The following VWC2L variants were observed in gnomAD, a reference collection of about 807,000 sequenced individuals.
The protein encoded by VWC2L is von Willebrand factor C domain containing 2 like.
Under a neutral mutation model 21.6 loss-of-function variants are expected in VWC2L, and 10 were observed. The observed-to-expected ratio is 0.46, with a 90% CI of 0.29 to 0.78. The LOEUF (loss-of-function observed/expected upper bound fraction) is 0.78, where lower values mean the gene tolerates loss of function less well. Among genes scored for constraint, VWC2L ranks in the 30% least tolerant of loss-of-function variants. VWC2L has a pLI of 0.10. For synonymous variants in VWC2L, 96 were observed against 94.3 expected, an observed-to-expected ratio of 1.02 and a Z score of -0.10; for missense variants, 209 against 277.1, an observed-to-expected ratio of 0.75 and a Z score of 1.74.
At chr2:214,536,708 A>G (rs1314657307) in intron 3 of VWC2L, 1 of 151,996 alleles carries the variant, frequency 6.6e-6, no homozygotes, top group Non-Finnish European at 1.5e-5. Flanking sequence ...AAAAATGTAT[A>G]TCTAATCTCT....
chr2:214,480,823 G>A (rs886143451), intron 3 of VWC2L, among the ~76,000 whole-genome samples: 9 of 114,608 alleles, frequency 7.9e-5, no homozygotes, highest in Non-Finnish European at 1.7e-5. Flanking sequence ...AGAATAAAAG[G>A]CTGAAAAAGT....
chr2:214,544,934 T>A lies in VWC2L; in HGVS notation c.521-30738T>A, dbSNP rs934976032. On this transcript the variant is annotated intron_variant, in intron 3 of 3. Transcript: ENST00000312504. ...GTAAGTACAAAAACTAAGATTTGAATGAAAGGTCCCAAATTTACTCTGCTA... is the reference window on the plus strand; with the variant it reads ...GTAAGTACAAAAACTAAGATTTGAAAGAAAGGTCCCAAATTTACTCTGCTA... 1.7e-4 allele frequency among the ~76,000 whole-genome samples: 26 copies of A among 152,274 alleles called. 1 individual carries two copies. The highest frequency in any genetic ancestry group is 1.4e-3 in the Admixed American group (21 of 15,280).
At position 214,459,162 on chromosome 2, in the gene VWC2L, T is replaced by C; in HGVS notation, c.520+22404T>C. Reference sequence around the variant, plus strand: ...TGAATTGATCTCTTTATCATTATAATAACCTTCTTTATCTCTTTTTACTAG... The same window carrying C: ...TGAATTGATCTCTTTATCATTATAACAACCTTCTTTATCTCTTTTTACTAG... On this transcript the variant is annotated intron_variant, in intron 3 of 3. Coordinates refer to ENST00000312504, the MANE Select transcript of VWC2L (RefSeq NM_001080500.4). 2.0e-5 allele frequency among the ~76,000 whole-genome samples: 3 copies of C among 152,296 alleles called. No individual in the cohort carries two copies. The South Asian group carries it at 6.2e-4, about 32-fold the overall frequency.
At chr2:214,460,033 G>A (rs868483130) in intron 3 of VWC2L, among the ~76,000 whole-genome samples, 15 of 150,100 alleles carry the variant, frequency 1.0e-4, no homozygotes, top group East Asian at 2.0e-4. Context: ...TCAGCCTCGC[G>A]AGTAGTTGGG....
chr2:214,556,066 CAG>C (rs1473265935), intron 3 of VWC2L, among the ~76,000 whole-genome samples: 17 of 152,070 alleles, frequency 1.1e-4, no homozygotes, highest in Admixed American at 1.0e-3. Flanking sequence ...ATCACCAATG[CAG>C]AGAGTTCCTC....
chr2:214,521,697 G>A (rs1019104864), intron 3 of VWC2L, among the ~76,000 whole-genome samples: 1 of 152,186 alleles, frequency 6.6e-6, no homozygotes, highest in Admixed American at 6.5e-5. Flanking sequence ...CAAAGGCAAG[G>A]GGTCACCAGC....
chr2:214,501,678 T>C (rs1470995882), intron 3 of VWC2L, among the ~76,000 whole-genome samples: 1 of 137,410 alleles, frequency 7.3e-6, no homozygotes, highest in African/African-American at 2.7e-5. Context: ...GCTGAGATCA[T>C]GCCTCTGCGC....
intron 3 of VWC2L, among the ~76,000 whole-genome samples, chr2:214,481,701 C>T (rs531063292): frequency 3.0e-4 from 46 of 152,148 alleles, no homozygotes; most frequent in Non-Finnish European, 6.3e-4. Flanking sequence ...AAATTTTACA[C>T]AAATTCTATA....
chr2:214,518,953 A>C (rs1304582612), intron 3 of VWC2L, among the ~76,000 whole-genome samples: 1 of 152,204 alleles, frequency 6.6e-6, no homozygotes, highest in Non-Finnish European at 1.5e-5. Flanking sequence ...ATTTGATCTT[A>C]CTAGAAGGCC....
Position 214,507,465 on chromosome 2 carries a change from C to T in VWC2L, c.521-68207C>T, listed in dbSNP as rs183994166. ...CATATTTGACCCTCAGATTTGTAAACGGGAATAACGCTCTCCTGACTAGAG... is the reference window on the plus strand; with the variant it reads ...CATATTTGACCCTCAGATTTGTAAATGGGAATAACGCTCTCCTGACTAGAG... On this transcript the variant is annotated intron_variant, in intron 3 of 3. Transcript: ENST00000312504. Among the ~76,000 whole-genome samples, 4 of 152,124 alleles carry T rather than the reference C, an allele frequency of 2.6e-5. No individual in the cohort carries two copies. The East Asian group carries it at 5.8e-4, about 22-fold the overall frequency.
intron 3 of VWC2L, among the ~76,000 whole-genome samples, chr2:214,495,729 C>G (rs1056741154): frequency 6.6e-6 from 1 of 152,116 alleles, no homozygotes; most frequent in Admixed American, 6.6e-5. Flanking sequence ...CTTGAAAACA[C>G]CATTTTTTCT....
intron 3 of VWC2L, among the ~76,000 whole-genome samples, chr2:214,493,871 G>A (rs1688777091): frequency 6.6e-6 from 1 of 152,122 alleles, no homozygotes; most frequent in Non-Finnish European, 1.5e-5. Flanking sequence ...GCAAGCAAGT[G>A]AAGTCTATCT....
chr2:214,443,448 C>T (rs1702792178), intron 3 of VWC2L, among the ~76,000 whole-genome samples: 1 of 151,910 alleles, frequency 6.6e-6, no homozygotes, highest in Non-Finnish European at 1.5e-5. Flanking sequence ...ATTTTGTTAG[C>T]AAACAGAAGC....
At chr2:214,571,806 A>G (rs1000544850) in intron 3 of VWC2L, among the ~76,000 whole-genome samples, 1 of 151,578 alleles carries the variant, frequency 6.6e-6, no homozygotes, top group Non-Finnish European at 1.5e-5. Context: ...CTCTCTCTCG[A>G]TTCAGGGGCT....
chr2:214,447,492 C>A (rs1488337853), intron 3 of VWC2L, among the ~76,000 whole-genome samples: 1 of 152,162 alleles, frequency 6.6e-6, no homozygotes, highest in Non-Finnish European at 1.5e-5. Context: ...CACATCAGCA[C>A]TGGGATATAA....
chr2:214,457,139 C>G lies in VWC2L; in HGVS notation c.520+20381C>G, dbSNP rs535988726. The stretch of plus-strand genomic sequence containing the variant: ...TATTTTGAAAGAAATTGCGTTGAGT[C>G]TCTAGAATGCTTTGGGTAGAAGCAT... On this transcript the variant is annotated intron_variant, in intron 3 of 3. Coordinates refer to ENST00000312504, the MANE Select transcript of VWC2L (RefSeq NM_001080500.4). Among the ~76,000 whole-genome samples, 12 of 152,142 alleles carry G rather than the reference C, an allele frequency of 7.9e-5. No individual in the cohort carries two copies. In the South Asian group the frequency reaches 2.5e-3, roughly 32 times the overall value.
intron 2 of VWC2L, among the ~76,000 whole-genome samples, chr2:214,422,697 G>A (rs1299722893): frequency 6.6e-6 from 1 of 152,124 alleles, no homozygotes; most frequent in African/African-American, 2.4e-5. Flanking sequence ...CACTTCCATT[G>A]TTGATTTCCT....
chr2:214,512,897 A>G (rs1231014680), intron 3 of VWC2L, among the ~76,000 whole-genome samples: 2 of 152,108 alleles, frequency 1.3e-5, no homozygotes, highest in Admixed American at 6.5e-5. Context: ...ACGTGCTAAG[A>G]AGGTCCTCCT....
chr2:214,422,193 C>A (rs544647263), intron 2 of VWC2L, among the ~76,000 whole-genome samples: 21 of 152,108 alleles, frequency 1.4e-4, no homozygotes, highest in African/African-American at 5.1e-4. Flanking sequence ...CGGCCTATTT[C>A]CTACATCTTA....
Sources: allele counts gnomAD v4.1 joint callset (sites outside exome capture counted in the v4.1 genomes callset), GRCh38; gene constraint gnomAD v4.1.1; transcripts MANE v1.5; gene names NCBI Gene and HGNC (gene_info 2026-07-23, HGNC 2026-07-21).